ESYT1: variants seen among roughly 807,000 people sequenced by gnomAD.
ESYT1 encodes the protein extended synaptotagmin-1.
In ESYT1, 116 loss-of-function variants were observed where a neutral mutation model predicts 154.2. The ratio of observed to expected loss-of-function variants is 0.75; its 90% CI spans 0.65 to 0.88. The LOEUF is 0.88. Ranked by LOEUF, ESYT1 falls within the 40% of genes least tolerant of loss-of-function variation. The pLI is 0.00. For synonymous variants in ESYT1, 500 were observed against 539.9 expected, an observed-to-expected ratio of 0.93 and a Z score of 1.02; for missense variants, 1,264 against 1,379.3, an observed-to-expected ratio of 0.92 and a Z score of 1.32.
Position 56,133,786 on chromosome 12 carries a change from A to T in ESYT1, c.1386A>T (p.Leu462=), listed in dbSNP as rs1870338489. 1 of 1,614,126 alleles carries T rather than the reference A, an allele frequency of 6.2e-7. No individual in the cohort carries two copies. Among genetic ancestry groups the T allele is most frequent in the African/African-American group, 1.3e-5 (1 of 75,036 alleles). ...LSDAEKLEQV[L]QWNWGVSSRP... The stretch of plus-strand genomic sequence containing the variant: ...CTACTACCACCCCTCCCCAGGTTCT[A>T]CAGTGGAATTGGGGAGTCTCCTCTC... Residue 462 remains leucine, a synonymous_variant, in exon 13 of 31, where the codon CTA becomes CTT. Coordinates refer to ENST00000394048, the MANE Select transcript of ESYT1 (RefSeq NM_015292.3).
In ESYT1 at chr12:56,136,736, G is replaced by T. The variant is rs1469051599; in HGVS notation, c.1633-8G>T. On this transcript the variant is annotated splice_region_variant and splice_polypyrimidine_tract_variant and intron_variant, in intron 15 of 30. Coordinates refer to ENST00000394048, the MANE Select transcript of ESYT1 (RefSeq NM_015292.3). ...CCTTCACTACAGTCCTTCCTCCTGT[G>T]CCTGTAGGTGAAGGATGATTCCAGG... The T allele has an allele frequency of 1.9e-6, 3 of 1,595,884 alleles. No individual in the cohort carries two copies. The highest frequency in any genetic ancestry group is 2.6e-6 in the Non-Finnish European group (3 of 1,170,438).
chr12:56,142,837 C>A lies in ESYT1; in HGVS notation c.2891C>A (p.Pro964His). ...LRQRLTHVDS[P>H]LEAPAGPLGQ... ...GACCTACTGATATTTCTCCACAGTC[C>A]CCTTGAGGCTCCAGCCGGGCCTCTG... is the stretch of plus-strand genomic sequence containing the variant. The change falls in exon 27 of 31, where the codon CCC becomes CAC. Residue 964 changes from proline (P) to histidine (H), a missense_variant and splice_region_variant. Coordinates refer to ENST00000394048, the MANE Select transcript of ESYT1 (RefSeq NM_015292.3). This position sits in a 1 kb window ranked among gnomAD's most constrained non-coding sequence, Gnocchi z 4.1. 1 of 1,614,166 alleles carries A rather than the reference C, an allele frequency of 6.2e-7. No individual in the cohort carries two copies. The highest frequency in any genetic ancestry group is 1.1e-5 in the South Asian group (1 of 91,070).
At chr12:56,141,467 G>A (rs7980521) in intron 24 of ESYT1, among the ~76,000 whole-genome samples, 96,081 of 152,094 alleles carry the variant, frequency 0.63, 30,572 homozygotes, top group African/African-American at 0.7. Flanking sequence ...TAGGTTGGGC[G>A]CGGTGGCTCA....
chr12:56,141,089 G>C lies in ESYT1; in HGVS notation c.2593-1196G>C, dbSNP rs566947619. 4.6e-5 allele frequency among the ~76,000 whole-genome samples: 7 copies of C among 152,330 alleles called. No individual in the cohort carries two copies. In the South Asian group the frequency reaches 1.4e-3, roughly 32 times the overall value. ...CATGAGCAAGCAACCACTCATAAGT[G>C]TAGTCATGGGTGAGATCTCTTAGGC... is the stretch of plus-strand genomic sequence containing the variant. On this transcript the variant is annotated intron_variant, in intron 24 of 30. Transcript: ENST00000394048.
chr12:56,133,332 G>A (rs776947248), intron 10 of ESYT1, 85 bp from the exon 11 acceptor site: 68 of 1,442,206 alleles, frequency 4.7e-5, no homozygotes, highest in Non-Finnish European at 6.5e-5. Context: ...TTTCTGGGTG[G>A]GTGAGTGGAG....
rs115884011 is a variant in ESYT1, at chr12:56,137,371, G to C, written c.1936G>C (p.Glu646Gln). Reference sequence around the variant, plus strand: ...GACTCCTGATAGCCAGTTTGGGACTGAGGTGAGTCTATATCTGGAAAGGAC... The same window carrying C: ...GACTCCTGATAGCCAGTTTGGGACTCAGGTGAGTCTATATCTGGAAAGGAC... ...HTTPDSQFGT[E>Q]HVLRIHVLEA... is the part of the protein sequence containing the mutation. Residue 646 changes from glutamate (E) to glutamine (Q), a missense_variant and splice_region_variant, in exon 17 of 31, where the codon GAG becomes CAG. Glu to Gln is a conservative substitution (Grantham distance 29, BLOSUM62 2). Coordinates refer to ENST00000394048, the MANE Select transcript of ESYT1 (RefSeq NM_015292.3). 1 of 1,614,120 alleles carries C rather than the reference G, an allele frequency of 6.2e-7. No homozygotes were observed. Among genetic ancestry groups the C allele is most frequent in the African/African-American group, 1.3e-5 (1 of 74,928 alleles).
chr12:56,142,503 G>A lies in ESYT1; in HGVS notation c.2734-75G>A. 6.2e-7 allele frequency: 1 copy of A among 1,609,490 alleles called. No homozygotes were observed. Among genetic ancestry groups the A allele is most frequent in the Non-Finnish European group, 8.5e-7 (1 of 1,176,772 alleles). On this transcript the variant is annotated intron_variant, in intron 25 of 30. Transcript: ENST00000394048. The surrounding 1 kb of genome is among the most constrained non-coding windows in gnomAD (Gnocchi z 4.1). ...ACAGGTGAGGGACACCCAGGAGGGT[G>A]GGAACAGAGGGCCGTGTCCTTAGAG...
Position 56,138,445 on chromosome 12 carries a change from G to A in ESYT1, c.2379G>A (p.Ala793=), listed in dbSNP as rs776654057. 36 of 1,613,284 alleles carry A rather than the reference G, an allele frequency of 2.2e-5. No homozygotes were observed. The highest frequency in any genetic ancestry group is 1.2e-4 in the Admixed American group (7 of 59,926). ...VNSLIQTQKS[A]ELAAALLSIY... is the part of the protein sequence containing the mutation. Reference sequence around the variant, plus strand: ...GTTTGATCCAGACTCAGAAGAGTGCGGAGCTGGCTGCGGCCCTGCTATCCA... The same window carrying A: ...GTTTGATCCAGACTCAGAAGAGTGCAGAGCTGGCTGCGGCCCTGCTATCCA... The change falls in exon 22 of 31, where the codon GCG becomes GCA. Residue 793 remains alanine (A), a synonymous_variant. Transcript: ENST00000394048.
At chr12:56,138,597 C>G in intron 22 of ESYT1, 98 bp downstream of exon 22, 1 of 1,344,818 alleles carries the variant, frequency 7.4e-7, no homozygotes, top group Non-Finnish European at 1.0e-6. Flanking sequence ...GAAAAATGGC[C>G]CCTCTCTTTC....
chr12:56,135,847 T>C (rs11171752), intron 15 of ESYT1, among the ~76,000 whole-genome samples: 29,162 of 148,738 alleles, frequency 0.2, 4,369 homozygotes, highest in African/African-American at 0.43. Flanking sequence ...CAAGATAGCG[T>C]CACTGCACTC....
chr12:56,130,309 T>A, intron 1 of ESYT1: 1 of 529,744 alleles, frequency 1.9e-6, no homozygotes, highest in Non-Finnish European at 3.4e-6. Context: ...CTCCCGCTCC[T>A]CTCTCTCTCA....
intron 10 of ESYT1, 134 bp downstream of exon 10, chr12:56,132,935 A>C: frequency 2.8e-6 from 2 of 721,394 alleles, no homozygotes; most frequent in South Asian, 3.2e-5. Context: ...CCTGGCTAAC[A>C]CGGTGAAACC....
Position 56,132,222 on chromosome 12 carries a change from A to G in ESYT1, c.874A>G (p.Thr292Ala). Reference sequence around the variant, plus strand: ...TCCCCCATTCAGCTCACTCTCTGACACCATGATCATGGACTCCATTGCTGC... The same window carrying G: ...TCCCCCATTCAGCTCACTCTCTGACGCCATGATCATGGACTCCATTGCTGC... Reference protein sequence around the residue: ...DIPGLSSLSDTMIMDSIAAFL... With the variant: ...DIPGLSSLSDAMIMDSIAAFL... Residue 292 changes from threonine to alanine, a missense_variant, in exon 8 of 31, where the codon ACC becomes GCC. By Grantham distance (58) the Thr-to-Ala change is moderately conservative. Transcript: ENST00000394048. 6.2e-7 allele frequency: 1 copy of G among 1,614,100 alleles called. No individual in the cohort carries two copies. The highest frequency in any genetic ancestry group is 2.2e-5 in the East Asian group (1 of 44,884).
intron 24 of ESYT1, among the ~76,000 whole-genome samples, chr12:56,141,710 A>C (rs542790889): frequency 3.3e-5 from 5 of 152,338 alleles, no homozygotes; most frequent in Admixed American, 6.5e-5. Flanking sequence ...ACTGCACTCC[A>C]GCCTGGGCAA....
At position 56,143,090 on chromosome 12, in the gene ESYT1, G is replaced by A; in HGVS notation, c.3061G>A (p.Gly1021Ser). ...SLLLLPDKNRGTKRRTSQKKR... is the reference protein window; with the variant it reads ...SLLLLPDKNRSTKRRTSQKKR... ...GTTGCTACTGCCAGACAAGAACCGA[G>A]GCACCAAGAGGAGGACCTCACAGAA... The change falls in exon 28 of 31, where the codon GGC (glycine) becomes AGC (serine). Residue 1021 changes from glycine to serine, a missense_variant. Gly to Ser is a moderately conservative substitution (Grantham distance 56, BLOSUM62 0). Transcript: ENST00000394048. The A allele has an allele frequency of 6.2e-7, 1 of 1,614,146 alleles. No individual in the cohort carries two copies. Among genetic ancestry groups the A allele is most frequent in the Non-Finnish European group, 8.5e-7 (1 of 1,180,028 alleles).
Position 56,128,433 on chromosome 12 carries a change from T to C in ESYT1, c.114T>C (p.Ser38=), listed in dbSNP as rs1163033590. Residue 38 remains serine, a synonymous_variant, in exon 1 of 31, where the codon TCT becomes TCC. Transcript: ENST00000394048. ...PAAHAKPDPG[S]GGQPAGPGAA... The stretch of plus-strand genomic sequence containing the variant: ...CTCACGCAAAGCCAGACCCAGGTTC[T>C]GGGGGCCAACCTGCTGGCCCTGGCG... The C allele has an allele frequency of 1.9e-6, 3 of 1,612,894 alleles. No homozygotes were observed. Among genetic ancestry groups the C allele is most frequent in the Non-Finnish European group, 2.5e-6 (3 of 1,179,472 alleles).
intron 7 of ESYT1, 124 bp from the exon 8 acceptor site, chr12:56,132,085 A>G (rs1870258145): frequency 4.8e-6 from 7 of 1,458,680 alleles, no homozygotes; most frequent in Non-Finnish European, 5.7e-6. Context: ...GAGTAGCACA[A>G]AGGATTTTCA....
At chr12:56,132,390 T>C (rs1226278799) in intron 8 of ESYT1, 31 bp from the exon 9 acceptor site, 1 of 1,613,992 alleles carries the variant, frequency 6.2e-7, no homozygotes, top group South Asian at 1.1e-5. Context: ...GCTGGGTCCT[T>C]AGTTTCTCAC....
In ESYT1 at chr12:56,137,161, T is replaced by C. The variant is rs565171331; in HGVS notation, c.1783-57T>C. ...CCTCCTCTACCCCACCCCACATGCT[T>C]TGCCTGCTGGTGACGAGCTGCACTT... On this transcript the variant is annotated intron_variant, in intron 16 of 30. Coordinates refer to ENST00000394048, the MANE Select transcript of ESYT1 (RefSeq NM_015292.3). The C allele has an allele frequency of 8.1e-6, 13 of 1,602,542 alleles. No homozygotes were observed. The East Asian group carries it at 2.9e-4, about 36-fold the overall frequency.
Sources: gnomAD v4.1 joint callset for allele counts (sites outside exome capture counted in the v4.1 genomes callset) on GRCh38, gnomAD v4.1.1 for gene constraint, Gnocchi (gnomAD v3.1) non-coding constraint, MANE v1.5 for transcripts, NCBI Gene and HGNC (gene_info 2026-07-23, HGNC 2026-07-21) for gene names.